Variants in CRPPA observed in about 807,000 individuals in gnomAD.
CRPPA encodes CDP-L-ribitol pyrophosphorylase A.
In CRPPA, 43 loss-of-function variants were observed where a neutral mutation model predicts 52.0. The ratio of observed to expected loss-of-function variants is 0.83; its 90% CI spans 0.65 to 1.07. The LOEUF is 1.07. CRPPA is among the 50% of genes least tolerant of loss of function. CRPPA has a pLI of 0.00. For missense variants in CRPPA, 629 were observed against 551.7 expected, an observed-to-expected ratio of 1.14 and a Z score of -1.40; for synonymous variants, 250 against 203.5, an observed-to-expected ratio of 1.23 and a Z score of -1.94.
chr7:16,405,683 C>T (rs1404543061), intron 2 of CRPPA, among the ~76,000 whole-genome samples: 1 of 152,052 alleles, frequency 6.6e-6, no homozygotes, highest in Non-Finnish European at 1.5e-5. Context: ...GAAAACAAAC[C>T]ACTTCGAAAC....
chr7:16,246,991 T>C (rs1783293987), intron 8 of CRPPA, among the ~76,000 whole-genome samples: 2 of 152,258 alleles, frequency 1.3e-5, no homozygotes, highest in African/African-American at 4.8e-5. Flanking sequence ...ATAAAAGCCC[T>C]ACCTGGCATG....
At chr7:16,182,107 G>C (rs957922009) in intron 9 of CRPPA, among the ~76,000 whole-genome samples, 8 of 151,904 alleles carry the variant, frequency 5.3e-5, no homozygotes, top group Admixed American at 5.2e-4. Flanking sequence ...GTCTGCATTT[G>C]CTTTATAAAA....
chr7:16,126,722 C>A (rs1782588243), intron 9 of CRPPA, among the ~76,000 whole-genome samples: 1 of 152,018 alleles, frequency 6.6e-6, no homozygotes, highest in African/African-American at 2.4e-5. Flanking sequence ...GTGAGCTGGA[C>A]AACTGACTCC....
At chr7:16,225,078 A>G (rs1261207992) in intron 8 of CRPPA, among the ~76,000 whole-genome samples, 1 of 152,132 alleles carries the variant, frequency 6.6e-6, no homozygotes, top group African/African-American at 2.4e-5. Context: ...TAAACAAAAC[A>G]CATTGCATTA....
chr7:16,353,821 G>C (rs1786222434), intron 3 of CRPPA, among the ~76,000 whole-genome samples: 1 of 151,288 alleles, frequency 6.6e-6, no homozygotes, highest in Non-Finnish European at 1.5e-5. Flanking sequence ...CTGCACTCCA[G>C]CCTGGATGAC....
chr7:16,380,616 G>A (rs1787058188), intron 2 of CRPPA, among the ~76,000 whole-genome samples: 1 of 152,102 alleles, frequency 6.6e-6, no homozygotes, highest in South Asian at 2.1e-4. Flanking sequence ...AATCCATCTG[G>A]TCCTGGACTC....
At chr7:16,398,122 A>T (rs932257116) in intron 2 of CRPPA, among the ~76,000 whole-genome samples, 2 of 151,996 alleles carry the variant, frequency 1.3e-5, no homozygotes, top group Admixed American at 1.3e-4. Flanking sequence ...GGTGATTGAC[A>T]TTATTCGCAC....
intron 9 of CRPPA, among the ~76,000 whole-genome samples, chr7:16,181,800 G>T (rs1262490318): frequency 6.6e-6 from 1 of 151,638 alleles, no homozygotes; most frequent in Non-Finnish European, 1.5e-5. Flanking sequence ...AGAAATATTT[G>T]GTGATATTAT....
At chr7:16,356,825 G>T (rs1028971424) in intron 3 of CRPPA, among the ~76,000 whole-genome samples, 2 of 152,022 alleles carry the variant, frequency 1.3e-5, no homozygotes, top group Non-Finnish European at 2.9e-5. Flanking sequence ...ACAATATTTA[G>T]TAAGTTTTAA....
chr7:16,143,904 C>A (rs1057177211), intron 9 of CRPPA, among the ~76,000 whole-genome samples: 3 of 152,060 alleles, frequency 2.0e-5, no homozygotes, highest in Non-Finnish European at 2.9e-5. Context: ...GTCAAAAAAA[C>A]GGAATTAGAA....
chr7:16,415,664 T>C (rs537632285), intron 1 of CRPPA, among the ~76,000 whole-genome samples: 1 of 152,314 alleles, frequency 6.6e-6, no homozygotes, highest in Admixed American at 6.5e-5. Flanking sequence ...AAGGCTTATG[T>C]TTTAGCTTTC....
chr7:16,351,168 G>C (rs1296146921), intron 3 of CRPPA, among the ~76,000 whole-genome samples: 1 of 151,850 alleles, frequency 6.6e-6, no homozygotes, highest in Admixed American at 6.6e-5. Context: ...CAGAAATCTG[G>C]TATTTAATAA....
chr7:16,116,572 G>C (rs2128368525), intron 9 of CRPPA, among the ~76,000 whole-genome samples: 1 of 147,908 alleles, frequency 6.8e-6, no homozygotes, highest in East Asian at 2.1e-4. Context: ...AGCTGAGGCA[G>C]AATTGCTTGA....
intron 9 of CRPPA, among the ~76,000 whole-genome samples, chr7:16,171,956 T>C (rs1332798473): frequency 6.6e-6 from 1 of 152,214 alleles, no homozygotes; most frequent in African/African-American, 2.4e-5. Context: ...GGTTTAGACA[T>C]GTAATAAAGG....
rs537499385 is a variant in CRPPA, at chr7:16,263,915, A to G, written c.934-4903T>C. Among the ~76,000 whole-genome samples the G allele has an allele frequency of 2.6e-5, 4 of 152,368 alleles. No homozygotes were observed. In the South Asian group the frequency reaches 8.3e-4, roughly 32 times the overall value. ...TTAGCTAATGCCCATAAACTAAGACAGAAATGCATACACAATATTTACATA... is the reference window on the plus strand; with the variant it reads ...TTAGCTAATGCCCATAAACTAAGACGGAAATGCATACACAATATTTACATA... On this transcript the variant is annotated intron_variant, in intron 6 of 9. Transcript: ENST00000407010.
At chr7:16,130,351 T>A (rs1782657924) in intron 9 of CRPPA, among the ~76,000 whole-genome samples, 1 of 152,180 alleles carries the variant, frequency 6.6e-6, no homozygotes, top group Admixed American at 6.5e-5. Flanking sequence ...CACGTCAAGC[T>A]ACAAGGCTGG....
At chr7:16,303,076 A>G (rs559928808) in intron 4 of CRPPA, among the ~76,000 whole-genome samples, 1 of 152,318 alleles carries the variant, frequency 6.6e-6, no homozygotes, top group East Asian at 1.9e-4. Flanking sequence ...TGTAGGAAAA[A>G]AATAAGGCTA....
chr7:16,364,333 T>A (rs1355086752), intron 3 of CRPPA, among the ~76,000 whole-genome samples: 1 of 152,164 alleles, frequency 6.6e-6, no homozygotes, highest in Non-Finnish European at 1.5e-5. Flanking sequence ...ATGAATGAAT[T>A]CTTAAAAGTC....
rs573391682 is a variant in CRPPA, at chr7:16,327,493, T to C, written c.685-18866A>G. ...CTGTAGTCCCAGCTACTCTGGAGGCTGAGGCAGGAGAATGGCGTGAACCTG... is the reference window on the plus strand; with the variant it reads ...CTGTAGTCCCAGCTACTCTGGAGGCCGAGGCAGGAGAATGGCGTGAACCTG... On this transcript the variant is annotated intron_variant, in intron 3 of 9. Transcript: ENST00000407010. Among the ~76,000 whole-genome samples the C allele has an allele frequency of 7.3e-5, 11 of 150,724 alleles. 1 individual carries two copies. In the South Asian group the frequency reaches 1.9e-3, roughly 26 times the overall value.
Sources: allele counts gnomAD v4.1 joint callset (sites outside exome capture counted in the v4.1 genomes callset), GRCh38; gene constraint gnomAD v4.1.1; transcripts MANE v1.5; gene names NCBI Gene and HGNC (gene_info 2026-07-23, HGNC 2026-07-21).